Variants in NAV3 observed in about 807,000 individuals in gnomAD.
NAV3 encodes pore membrane and/or filament interacting like protein 1.
A neutral mutation model predicts 244.7 loss-of-function variants in NAV3; 87 were observed. The ratio of observed to expected loss-of-function variants is 0.36; its 90% CI spans 0.30 to 0.42. The LOEUF is 0.42. NAV3 is among the 20% of genes least tolerant of loss of function. The pLI, the probability that NAV3 is intolerant of heterozygous loss-of-function variation, is 1.00. For synonymous variants in NAV3, 1,126 were observed against 1,042.2 expected (o/e 1.08, Z -1.55); for missense variants, 2,663 against 2,893.3 (o/e 0.92, Z 1.83).
At chr12:78,197,165 G>A (rs997279147) in intron 34 of NAV3, 82 bp from the exon 35 acceptor site, 14 of 1,050,776 alleles carry the variant, frequency 1.3e-5, no homozygotes, top group Non-Finnish European at 1.8e-5. Flanking sequence ...AGAGGACAAA[G>A]AGTGCTATTC....
chr12:77,703,378 G>T (rs1592598568), intron 2 of NAV3, among the ~76,000 whole-genome samples: 1 of 151,890 alleles, frequency 6.6e-6, no homozygotes, highest in African/African-American at 2.4e-5. Context: ...TATATTGAGT[G>T]GTATTCCATT....
intron 1 of NAV3, 143 bp downstream of exon 1, chr12:77,831,847 G>A (rs1873763226): frequency 2.1e-6 from 2 of 948,792 alleles, no homozygotes; most frequent in Non-Finnish European, 3.0e-6. Flanking sequence ...CTGAAAAGCT[G>A]AATATTTAGC....
intron 2 of NAV3, among the ~76,000 whole-genome samples, chr12:77,603,372 C>T (rs1870526917): frequency 6.6e-6 from 1 of 151,816 alleles, no homozygotes. Context: ...AAGTAGGAGC[C>T]AGAGGATCAT....
At chr12:78,130,912 T>C (rs1465835099) in intron 18 of NAV3, 4 of 181,616 alleles carry the variant, frequency 2.2e-5, no homozygotes, top group African/African-American at 7.1e-5. Context: ...TACATCTGTG[T>C]TGGCCAGCAT....
intron 2 of NAV3, among the ~76,000 whole-genome samples, chr12:77,593,753 C>T (rs746760260): frequency 1.7e-4 from 25 of 151,320 alleles, no homozygotes; most frequent in Non-Finnish European, 2.7e-4. Context: ...GGATTAGAGG[C>T]GTGAGCCACC....
chr12:77,784,755 A>G (rs1325682645), intron 2 of NAV3, among the ~76,000 whole-genome samples: 1 of 152,196 alleles, frequency 6.6e-6, no homozygotes, highest in Non-Finnish European at 1.5e-5. Context: ...ACACAAAACC[A>G]GGACAATACA....
chr12:77,826,644 G>A (rs1473623310), upstream of NAV3, among the ~76,000 whole-genome samples: 1 of 152,128 alleles, frequency 6.6e-6, no homozygotes, highest in African/African-American at 2.4e-5. Flanking sequence ...ATAACACATG[G>A]ATAAATCTCA....
chr12:77,709,317 C>T (rs142949217), intron 2 of NAV3, among the ~76,000 whole-genome samples: 1,831 of 152,178 alleles, frequency 0.012, 42 homozygotes, highest in African/African-American at 0.042. Context: ...ATAATAAGAG[C>T]TATTTATGAC....
chr12:78,120,340 C>A (rs2138650530), intron 15 of NAV3, among the ~76,000 whole-genome samples: 1 of 152,262 alleles, frequency 6.6e-6, no homozygotes, highest in East Asian at 1.9e-4. Flanking sequence ...TGACTTTTGG[C>A]ATTCATTTCC....
At chr12:77,908,782 A>C (rs1172521366) in intron 1 of NAV3, among the ~76,000 whole-genome samples, 1 of 152,058 alleles carries the variant, frequency 6.6e-6, no homozygotes, top group Admixed American at 6.6e-5. Flanking sequence ...GCTTTGCATA[A>C]TTTATAGATC....
intron 1 of NAV3, among the ~76,000 whole-genome samples, chr12:77,882,320 G>A (rs1206720335): frequency 1.3e-5 from 2 of 152,208 alleles, no homozygotes; most frequent in South Asian, 4.2e-4. Context: ...ACAAAAACAA[G>A]CAGTGGGGAA....
rs1882507085 is a variant in NAV3 at position 78,050,090 on chromosome 12, G to C, written c.2121G>C (p.Gln707His). The change falls in exon 10 of 40, where the codon CAG (glutamine) becomes CAC (histidine). Residue 707 changes from glutamine (Q) to histidine (H), a missense_variant. Around this residue, in one of 6 missense-constraint regions of NAV3, gnomAD observed 1,521 missense variants for 1,497.0 expected, o/e 1.02. Transcript: ENST00000397909. ...CTATGTCCAGTCTTCGTGGGACTCA[G>C]ATAAGCCACAGGTTTTTTTCAATTT... Reference protein sequence around the residue: ...EETMSSLRGTQISHSTLETTF... With the variant: ...EETMSSLRGTHISHSTLETTF... 6.2e-7 allele frequency: 1 copy of C among 1,606,420 alleles called. No individual in the cohort carries two copies. Among genetic ancestry groups the C allele is most frequent in the Admixed American group, 1.7e-5 (1 of 58,420 alleles).
intron 1 of NAV3, among the ~76,000 whole-genome samples, chr12:77,918,118 G>A (rs12372790): frequency 0.37 from 56,893 of 151,806 alleles, 11,202 homozygotes; most frequent in East Asian, 0.45. Context: ...ATATTTTGGC[G>A]TCTTTCCTTC....
chr12:77,597,139 T>G (rs1422852014), intron 2 of NAV3, among the ~76,000 whole-genome samples: 1 of 152,160 alleles, frequency 6.6e-6, no homozygotes, highest in East Asian at 1.9e-4. Context: ...ATGTCTCACA[T>G]GCAATGTTGA....
chr12:77,832,614 T>C (rs1395424899), intron 1 of NAV3, among the ~76,000 whole-genome samples: 1 of 152,246 alleles, frequency 6.6e-6, no homozygotes, highest in African/African-American at 2.4e-5. Context: ...TAAGCATTTA[T>C]CATGTCTTTG....
At chr12:77,707,408 A>G (rs1220071654) in intron 2 of NAV3, among the ~76,000 whole-genome samples, 1 of 152,092 alleles carries the variant, frequency 6.6e-6, no homozygotes, top group Non-Finnish European at 1.5e-5. Flanking sequence ...TTCTGGCTGC[A>G]GAGTATTCAT....
intron 2 of NAV3, among the ~76,000 whole-genome samples, chr12:77,821,909 T>C (rs1872760417): frequency 6.6e-6 from 1 of 152,170 alleles, no homozygotes; most frequent in African/African-American, 2.4e-5. Flanking sequence ...TTTTTTAGCA[T>C]TCATTTGGAT....
At chr12:78,094,404 A>G (rs888170532) in intron 12 of NAV3, among the ~76,000 whole-genome samples, 1 of 152,196 alleles carries the variant, frequency 6.6e-6, no homozygotes, top group African/African-American at 2.4e-5. Flanking sequence ...AAACAAGTCA[A>G]TGGATATAAT....
At chr12:77,997,785 T>A (rs945523515) in intron 6 of NAV3, among the ~76,000 whole-genome samples, 1 of 152,190 alleles carries the variant, frequency 6.6e-6, no homozygotes, top group African/African-American at 2.4e-5. Context: ...ATGACCTGGG[T>A]CTTGGTACCA....
Sources: gnomAD v4.1 joint callset for allele counts (sites outside exome capture counted in the v4.1 genomes callset) on GRCh38, gnomAD v4.1.1 for gene constraint, gnomAD v4.1.1 regional missense constraint, MANE v1.5 for transcripts, NCBI Gene and HGNC (gene_info 2026-07-23, HGNC 2026-07-21) for gene names.